Variants in USP10 observed in about 807,000 individuals in gnomAD.
USP10 encodes the protein ubiquitin specific peptidase 10.
USP10 carries 22 observed loss-of-function variants against 84.5 expected under a neutral mutation model. The observed-to-expected ratio is 0.26, with a 90% CI of 0.19 to 0.37. The LOEUF (loss-of-function observed/expected upper bound fraction) is 0.37, where lower values mean the gene tolerates loss of function less well. USP10 is among the 10% of genes least tolerant of loss of function. The pLI is 1.00. For missense variants in USP10, 1,019 were observed against 998.9 expected (o/e 1.02, Z -0.27); for synonymous variants, 454 against 387.6 (o/e 1.17, Z -2.01).
intron 12 of USP10, among the ~76,000 whole-genome samples, chr16:84,774,078 C>T (rs1914723302): frequency 6.6e-6 from 1 of 151,980 alleles, no homozygotes. Context: ...GGTGAAACCC[C>T]AACTCTTCTA....
chr16:84,728,040 T>C (rs1429972259), intron 1 of USP10, among the ~76,000 whole-genome samples: 1 of 152,232 alleles, frequency 6.6e-6, no homozygotes, highest in African/African-American at 2.4e-5. Context: ...TTTCAGGATA[T>C]TGACTTTTTT....
At chr16:84,750,917 A>C (rs1004418541) in intron 4 of USP10, among the ~76,000 whole-genome samples, 1 of 152,188 alleles carries the variant, frequency 6.6e-6, no homozygotes, top group African/African-American at 2.4e-5. Context: ...GATTTTTCAC[A>C]GTGGTTTTAT....
At chr16:84,738,053 G>C (rs1472495747) in intron 2 of USP10, among the ~76,000 whole-genome samples, 1 of 151,912 alleles carries the variant, frequency 6.6e-6, no homozygotes, top group African/African-American at 2.4e-5. Context: ...TTGAGGAAGG[G>C]GACAGCCGGA....
intron 13 of USP10, among the ~76,000 whole-genome samples, chr16:84,776,107 C>T (rs1039662175): frequency 6.6e-5 from 10 of 152,172 alleles, no homozygotes; most frequent in African/African-American, 2.4e-4. Context: ...CATTTCCTTA[C>T]ATGTGTCCTA....
At chr16:84,752,177 A>G (rs1271440955) in intron 4 of USP10, among the ~76,000 whole-genome samples, 4 of 152,194 alleles carry the variant, frequency 2.6e-5, no homozygotes, top group African/African-American at 9.7e-5. Context: ...TCATTCTGGC[A>G]TTTTGTGCCT....
intron 1 of USP10, among the ~76,000 whole-genome samples, chr16:84,707,033 GTAT>G (rs1052206824): frequency 2.0e-5 from 3 of 152,196 alleles, no homozygotes; most frequent in East Asian, 3.8e-4. Flanking sequence ...ACTCTGTCCT[GTAT>G]TATTATAACC....
intron 1 of USP10, among the ~76,000 whole-genome samples, chr16:84,730,125 C>T (rs1227105415): frequency 2.6e-5 from 4 of 152,156 alleles, no homozygotes; most frequent in Non-Finnish European, 5.9e-5. Context: ...CTCCTGTCTG[C>T]GTCCACTCAG....
intron 13 of USP10, among the ~76,000 whole-genome samples, chr16:84,775,694 G>A (rs987981922): frequency 1.1e-4 from 17 of 152,164 alleles, no homozygotes; most frequent in South Asian, 2.1e-4. Context: ...CAAGCTCCTC[G>A]GCTGCCAGGC....
At chr16:84,775,031 A>G in intron 12 of USP10, 129 bp from the exon 13 acceptor site, 1 of 764,850 alleles carries the variant, frequency 1.3e-6, no homozygotes, top group South Asian at 1.4e-5. Context: ...CTGAAGGGAT[A>G]GAGTGTTGTT....
At chr16:84,702,269 C>T (rs1904983591) in intron 1 of USP10, among the ~76,000 whole-genome samples, 1 of 151,936 alleles carries the variant, frequency 6.6e-6, no homozygotes. Context: ...GTTGATCAGG[C>T]TGGTCTCAAA....
chr16:84,707,482 G>A (rs764171658), intron 1 of USP10, among the ~76,000 whole-genome samples: 10 of 152,168 alleles, frequency 6.6e-5, no homozygotes, highest in Non-Finnish European at 1.5e-4. Context: ...ATCCTTAATC[G>A]TCAGTTTGGT....
chr16:84,711,148 G>A (rs1184597418), intron 1 of USP10, among the ~76,000 whole-genome samples: 1 of 152,116 alleles, frequency 6.6e-6, no homozygotes, highest in Non-Finnish European at 1.5e-5. Context: ...GTTTGGCTTG[G>A]CATTCATTAA....
chr16:84,748,928 A>AT (rs548281139), intron 4 of USP10, among the ~76,000 whole-genome samples: 1 of 152,134 alleles, frequency 6.6e-6, no homozygotes, highest in South Asian at 2.1e-4. Context: ...CAAACAGATT[A>AT]TTTTTTTAAT....
chr16:84,760,160 T>A lies in USP10; in HGVS notation c.1451-12T>A. ...TGTAGTTAGGAAAACCTGTGTCCTC[T>A]TTCCATTGCAGCTCTTGGAGATAAA... On this transcript the variant is annotated splice_polypyrimidine_tract_variant and intron_variant, in intron 7 of 13. Transcript: ENST00000219473. The A allele has an allele frequency of 1.3e-6, 2 of 1,596,444 alleles. No homozygotes were observed. Among genetic ancestry groups the A allele is most frequent in the Non-Finnish European group, 1.7e-6 (2 of 1,170,140 alleles).
intron 9 of USP10, 107 bp downstream of exon 9, chr16:84,763,195 C>T: frequency 1.7e-6 from 1 of 595,720 alleles, no homozygotes; most frequent in South Asian, 2.7e-5. Context: ...GTTTTCCTTT[C>T]AAATAGCATT....
chr16:84,744,278 T>A (rs1910956875), intron 3 of USP10, among the ~76,000 whole-genome samples: 1 of 152,176 alleles, frequency 6.6e-6, no homozygotes, highest in Non-Finnish European at 1.5e-5. Context: ...TACATATTCC[T>A]TTATCTCAGG....
At chr16:84,749,761 C>A (rs541298320) in intron 4 of USP10, among the ~76,000 whole-genome samples, 1 of 151,990 alleles carries the variant, frequency 6.6e-6, no homozygotes. Flanking sequence ...AAAAGAATCA[C>A]GTATAAGGGA....
At chr16:84,751,876 A>G (rs1481383199) in intron 4 of USP10, among the ~76,000 whole-genome samples, 1 of 152,208 alleles carries the variant, frequency 6.6e-6, no homozygotes, top group African/African-American at 2.4e-5. Context: ...TTAGGAAAAC[A>G]GAATTTGATG....
chr16:84,745,752 C>G, intron 4 of USP10, 79 bp downstream of exon 4: 2 of 1,416,748 alleles, frequency 1.4e-6, no homozygotes, highest in Non-Finnish European at 1.9e-6. Flanking sequence ...GTGGTGTTAC[C>G]CATAACAATG....
Sources: gnomAD v4.1 joint callset for allele counts (sites outside exome capture counted in the v4.1 genomes callset) on GRCh38, gnomAD v4.1.1 for gene constraint, MANE v1.5 for transcripts, NCBI Gene and HGNC (gene_info 2026-07-23, HGNC 2026-07-21) for gene names.